Variants in SGPL1 observed in about 807,000 individuals in gnomAD.
SGPL1 encodes the protein sphingosine-1-phosphate lyase 1, also known as SP-lyase 1.
SGPL1 carries 37 observed loss-of-function variants against 68.9 expected under a neutral mutation model. That is an observed-to-expected ratio of 0.54 (90% confidence interval 0.41 to 0.71). SGPL1 has a LOEUF of 0.71. Ranked by LOEUF, SGPL1 falls within the 30% of genes least tolerant of loss-of-function variation. The probability of loss-of-function intolerance (pLI) is 0.00; values close to 1 mark genes in which losing one functional copy is unlikely to be tolerated. For missense variants in SGPL1, 551 were observed against 704.6 expected, an observed-to-expected ratio of 0.78 and a Z score of 2.47; for synonymous variants, 236 against 248.5, an observed-to-expected ratio of 0.95 and a Z score of 0.47.
rs1405557853 is a variant in SGPL1, at chr10:70,857,699, C to T, written c.486+9C>T. ...CTGAGCTCCTTGTGAAGGTGAGTGT[C>T]CAGTTCTTGAGGGAAGCCTGTGAGG... On this transcript the variant is annotated intron_variant, in intron 6 of 14. Transcript: ENST00000373202. 6.2e-7 allele frequency: 1 copy of T among 1,600,312 alleles called. No individual in the cohort carries two copies. Among genetic ancestry groups the T allele is most frequent in the South Asian group, 1.1e-5 (1 of 89,544 alleles).
Position 70,873,425 on chromosome 10 carries a change from C to T in SGPL1, c.1134C>T (p.Val378=), listed in dbSNP as rs551224775. 9.9e-6 allele frequency: 16 copies of T among 1,614,244 alleles called. No homozygotes were observed. In the East Asian group the frequency reaches 1.1e-4, roughly 11 times the overall value. ...AGTACAGGAACTATCAGTTCTTCGT[C>T]GATACAGATTGGCAGGGTGGCATCT... The part of the protein sequence containing the change: ...DKKYRNYQFF[V]DTDWQGGIYA... Residue 378 remains valine (V), a synonymous_variant, in exon 12 of 15, where the codon GTC becomes GTT. Transcript: ENST00000373202.
chr10:70,857,412 A>G (rs1020061967), intron 5 of SGPL1: 2 of 500,834 alleles, frequency 4.0e-6, no homozygotes, highest in Non-Finnish European at 7.2e-6. Context: ...CACATTGCTG[A>G]TAATAATGAT....
In SGPL1 at chr10:70,872,018, T is replaced by C. The variant is rs547128613; in HGVS notation, c.1059+32T>C. On this transcript the variant is annotated intron_variant, in intron 11 of 14. Coordinates refer to ENST00000373202, the MANE Select transcript of SGPL1 (RefSeq NM_003901.4). Reference sequence around the variant, plus strand: ...TAAGGAGGAGATCAAGTGTTACCAGTTGATTATTTTGACTATTATTGATAA... The same window carrying C: ...TAAGGAGGAGATCAAGTGTTACCAGCTGATTATTTTGACTATTATTGATAA... 20 of 1,592,216 alleles carry C rather than the reference T, an allele frequency of 1.3e-5. No homozygotes were observed. In the African/African-American group the frequency reaches 2.6e-4, roughly 20 times the overall value.
At chr10:70,865,412 G>T (rs1846166659) in intron 7 of SGPL1, among the ~76,000 whole-genome samples, 1 of 150,346 alleles carries the variant, frequency 6.7e-6, no homozygotes, top group African/African-American at 2.5e-5. Flanking sequence ...CTATTATTTT[G>T]ATCTTCAGCA....
intron 2 of SGPL1, among the ~76,000 whole-genome samples, chr10:70,838,842 A>G (rs1845670986): frequency 6.6e-6 from 1 of 152,230 alleles, no homozygotes; most frequent in Admixed American, 6.5e-5. Flanking sequence ...CTGTTTCTAC[A>G]TGTATTAGAT....
At chr10:70,844,383 C>T in intron 2 of SGPL1, 90 bp from the exon 3 acceptor site, 1 of 1,219,980 alleles carries the variant, frequency 8.2e-7, no homozygotes, top group South Asian at 1.5e-5. Flanking sequence ...TGACCTTGCC[C>T]TTGAAAAATG....
chr10:70,822,687 C>T (rs1365654404), intron 2 of SGPL1, among the ~76,000 whole-genome samples: 1 of 152,020 alleles, frequency 6.6e-6, no homozygotes, highest in East Asian at 1.9e-4. Context: ...CATAATCCAA[C>T]AGCGTACTAA....
chr10:70,819,965 T>G (rs1040914484), intron 2 of SGPL1, among the ~76,000 whole-genome samples: 2 of 152,124 alleles, frequency 1.3e-5, no homozygotes, highest in Non-Finnish European at 2.9e-5. Context: ...TATACATGAA[T>G]CTGTTGAAGA....
chr10:70,873,475 C>T lies in SGPL1; in HGVS notation c.1184C>T (p.Ser395Leu). The T allele has an allele frequency of 1.2e-6, 2 of 1,614,236 alleles. No individual in the cohort carries two copies. The highest frequency in any genetic ancestry group is 1.7e-6 in the Non-Finnish European group (2 of 1,180,026). ...TATGCTTCCCCAACCATCGCAGGCT[C>T]ACGGCCTGGTGGCATTAGCGCAGCC... The part of the protein sequence containing the change: ...GIYASPTIAG[S>L]RPGGISAACW... The change falls in exon 12 of 15, where the codon TCA becomes TTA. Residue 395 changes from serine (S) to leucine (L), a missense_variant. By Grantham distance (145) the Ser-to-Leu change is moderately radical. Transcript: ENST00000373202.
At chr10:70,871,474 C>T (rs1403253663) in intron 10 of SGPL1, among the ~76,000 whole-genome samples, 5 of 152,230 alleles carry the variant, frequency 3.3e-5, no homozygotes, top group Admixed American at 2.6e-4. Context: ...CATGCTGCCC[C>T]TCAGCGCCTC....
At chr10:70,871,191 T>C in intron 10 of SGPL1, 45 bp downstream of exon 10, 1 of 1,332,316 alleles carries the variant, frequency 7.5e-7, no homozygotes, top group Non-Finnish European at 1.1e-6. Flanking sequence ...ATGGATATTT[T>C]AAAACAAAGC....
intron 2 of SGPL1, among the ~76,000 whole-genome samples, chr10:70,819,510 T>TA (rs1845299326): frequency 6.6e-6 from 1 of 152,110 alleles, no homozygotes; most frequent in South Asian, 2.1e-4. Flanking sequence ...ATATGATATG[T>TA]AAAACATGTT....
chr10:70,861,508 C>T (rs1019347702), intron 7 of SGPL1, among the ~76,000 whole-genome samples: 1 of 152,190 alleles, frequency 6.6e-6, no homozygotes, highest in Non-Finnish European at 1.5e-5. Flanking sequence ...CGCTCGCTCT[C>T]GGCGCCTCCT....
In SGPL1 at chr10:70,863,006, A is replaced by G. The variant is rs1345505958; in HGVS notation, c.615+3507A>G. Among the ~76,000 whole-genome samples, 3 of 152,106 alleles carry G rather than the reference A, an allele frequency of 2.0e-5. No individual in the cohort carries two copies. The East Asian group carries it at 5.8e-4, about 29-fold the overall frequency. ...TTTTATTTTATTATTATTTTTTGAG[A>G]CAGGGTGTCACTCTGTTGCTCAGGC... On this transcript the variant is annotated intron_variant, in intron 7 of 14. Coordinates refer to ENST00000373202, the MANE Select transcript of SGPL1 (RefSeq NM_003901.4).
intron 12 of SGPL1, among the ~76,000 whole-genome samples, chr10:70,874,710 C>A (rs958994831): frequency 6.6e-6 from 1 of 152,042 alleles, no homozygotes; most frequent in East Asian, 1.9e-4. Flanking sequence ...GCAACAAGAA[C>A]GAAACTCCAT....
chr10:70,875,504 G>A lies in SGPL1; in HGVS notation c.1401G>A (p.Met467Ile), dbSNP rs374732188. 37 of 1,613,278 alleles carry A rather than the reference G, an allele frequency of 2.3e-5. No homozygotes were observed. The highest frequency in any genetic ancestry group is 3.4e-6 in the Non-Finnish European group (4 of 1,179,534). The part of the protein sequence containing the change: ...DFDIYRLSNL[M>I]TAKGWNLNQL... ...ACATCTACCGACTATCAAACCTGATGACTGCTAAGGGGTGGAACTTGAACC... is the reference window on the plus strand; with the variant it reads ...ACATCTACCGACTATCAAACCTGATAACTGCTAAGGGGTGGAACTTGAACC... Residue 467 changes from methionine (M) to isoleucine (I), a missense_variant, in exon 13 of 15, where the codon ATG (methionine) becomes ATA (isoleucine). Met to Ile is a conservative substitution (Grantham distance 10). Coordinates refer to ENST00000373202, the MANE Select transcript of SGPL1 (RefSeq NM_003901.4).
At chr10:70,859,046 C>T (rs1252764029) in intron 6 of SGPL1, among the ~76,000 whole-genome samples, 7 of 152,272 alleles carry the variant, frequency 4.6e-5, no homozygotes, top group Middle Eastern at 3.4e-3. Context: ...ACAACTTCTG[C>T]GTATGAAGAA....
intron 2 of SGPL1, among the ~76,000 whole-genome samples, chr10:70,834,352 C>G (rs952307238): frequency 6.6e-6 from 1 of 152,122 alleles, no homozygotes; most frequent in Non-Finnish European, 1.5e-5. Context: ...AAGATAGATT[C>G]TCTTGGGGGC....
At chr10:70,838,953 T>C (rs1845673552) in intron 2 of SGPL1, among the ~76,000 whole-genome samples, 1 of 152,210 alleles carries the variant, frequency 6.6e-6, no homozygotes, top group Non-Finnish European at 1.5e-5. Context: ...CTCAGTGGTC[T>C]AACAAGTAGC....
Sources: gnomAD v4.1 joint callset for allele counts (sites outside exome capture counted in the v4.1 genomes callset) on GRCh38, gnomAD v4.1.1 for gene constraint, MANE v1.5 for transcripts, NCBI Gene and HGNC (gene_info 2026-07-23, HGNC 2026-07-21) for gene names.